TRIP11: variants seen among roughly 807,000 people sequenced by gnomAD.
TRIP11 encodes the protein thyroid receptor-interacting protein 11.
In TRIP11, 148 loss-of-function variants were observed where a neutral mutation model predicts 223.1. The observed-to-expected ratio is 0.66, with a 90% CI of 0.58 to 0.76. TRIP11 has a LOEUF of 0.76. Ranked by LOEUF, TRIP11 falls within the 30% of genes least tolerant of loss-of-function variation. The pLI is 0.00. For synonymous variants in TRIP11, 762 were observed against 772.6 expected (o/e 0.99, Z 0.23); for missense variants, 2,043 against 2,222.0 (o/e 0.92, Z 1.62).
At chr14:91,973,186 C>T (rs953374731) in intron 19 of TRIP11, among the ~76,000 whole-genome samples, 1 of 152,004 alleles carries the variant, frequency 6.6e-6, no homozygotes, top group Admixed American at 6.6e-5. Flanking sequence ...CCACCACGCC[C>T]GGCTAATTTT....
At position 91,972,737 on chromosome 14, in the gene TRIP11, T is replaced by G. The variant is rs750903702; in HGVS notation, c.5699A>C (p.Asn1900Thr). 6.2e-6 allele frequency: 10 copies of G among 1,611,038 alleles called. No homozygotes were observed. The highest frequency in any genetic ancestry group is 8.5e-6 in the Non-Finnish European group (10 of 1,178,974). ...TTTACCTTTAAAACTTTCTGGTGCATTTGTATCTCTTTTTCTTCTTCCTGG... is the reference window on the plus strand; with the variant it reads ...TTTACCTTTAAAACTTTCTGGTGCAGTTGTATCTCTTTTTCTTCTTCCTGG... Reference protein sequence around the residue: ...DSPGRRKRDTNAPESFKDTAE... With the variant: ...DSPGRRKRDTTAPESFKDTAE... Residue 1900 changes from asparagine (N) to threonine (T), a missense_variant, in exon 20 of 21, where the codon AAT becomes ACT. Transcript: ENST00000267622.
In TRIP11 at chr14:91,972,666, C is replaced by T. The variant is rs373769581; in HGVS notation, c.5719+51G>A. 1,228 of 1,551,114 alleles carry T rather than the reference C, an allele frequency of 7.9e-4. 3 individuals carry two copies. Among genetic ancestry groups the T allele is most frequent in the Non-Finnish European group, 9.6e-4 (1,093 of 1,136,862 alleles). ...AATATCACTGTGAAACATAATCATA[C>T]ATTAAACATTCAATTTTCAAATTAT... On this transcript the variant is annotated intron_variant, in intron 20 of 20. Coordinates refer to ENST00000267622, the MANE Select transcript of TRIP11 (RefSeq NM_004239.4).
chr14:92,036,941 G>C (rs1461970407), intron 1 of TRIP11, among the ~76,000 whole-genome samples: 1 of 152,082 alleles, frequency 6.6e-6, no homozygotes, highest in Admixed American at 6.6e-5. Flanking sequence ...TGTTGCCCAG[G>C]CTAGTCCTCA....
chr14:91,994,045 T>C, intron 14 of TRIP11, 133 bp from the exon 15 acceptor site: 2 of 699,156 alleles, frequency 2.9e-6, no homozygotes, highest in Admixed American at 2.2e-5. Flanking sequence ...TATGCCTTAG[T>C]GATAATGTTA....
At chr14:92,022,602 C>T (rs957110154) in intron 3 of TRIP11, among the ~76,000 whole-genome samples, 3 of 152,098 alleles carry the variant, frequency 2.0e-5, no homozygotes, top group Admixed American at 1.3e-4. Flanking sequence ...ACCAAAATGC[C>T]ACATCCATTC....
At chr14:92,009,850 C>T (rs781296242) in intron 9 of TRIP11, among the ~76,000 whole-genome samples, 1 of 152,160 alleles carries the variant, frequency 6.6e-6, no homozygotes, top group Non-Finnish European at 1.5e-5. Flanking sequence ...CATGCATAGA[C>T]ATAGTCCAGA....
intron 14 of TRIP11, among the ~76,000 whole-genome samples, 176 bp downstream of exon 14, chr14:91,995,176 G>C (rs891433965): frequency 1.3e-5 from 2 of 151,834 alleles, no homozygotes; most frequent in African/African-American, 2.4e-5. Flanking sequence ...TTATTTTCTC[G>C]TCTTAATTGT....
intron 17 of TRIP11, 57 bp from the exon 18 acceptor site, chr14:91,975,343 C>T: frequency 2.7e-6 from 3 of 1,105,998 alleles, no homozygotes; most frequent in African/African-American, 1.5e-5. Flanking sequence ...TACACTCAAA[C>T]ACTAAGCATA....
At chr14:91,984,139 T>C (rs1297892283) in intron 16 of TRIP11, among the ~76,000 whole-genome samples, 1 of 152,044 alleles carries the variant, frequency 6.6e-6, no homozygotes, top group African/African-American at 2.4e-5. Flanking sequence ...CAGATACAGG[T>C]ATAAACTAGC....
At position 91,974,763 on chromosome 14, in the gene TRIP11, C is replaced by T; in HGVS notation, c.5458-20G>A. On this transcript the variant is annotated intron_variant, in intron 18 of 20. Coordinates refer to ENST00000267622, the MANE Select transcript of TRIP11 (RefSeq NM_004239.4). The stretch of plus-strand genomic sequence containing the variant: ...AAACAACTGAAAGATTATTTTAAAA[C>T]AGACAAATATTATCAGTACAAGAAA... 1 of 1,548,958 alleles carries T rather than the reference C, an allele frequency of 6.5e-7. No homozygotes were observed. The highest frequency in any genetic ancestry group is 8.9e-7 in the Non-Finnish European group (1 of 1,126,828).
intron 1 of TRIP11, among the ~76,000 whole-genome samples, chr14:92,038,656 AATTT>A (rs1484079382): frequency 6.6e-6 from 1 of 152,144 alleles, no homozygotes; most frequent in Non-Finnish European, 1.5e-5. Context: ...CCAGAATACT[AATTT>A]ATTAAATTTA....
At chr14:92,010,788 T>C (rs545773258) in intron 9 of TRIP11, among the ~76,000 whole-genome samples, 198 bp downstream of exon 9, 1 of 151,984 alleles carries the variant, frequency 6.6e-6, no homozygotes, top group African/African-American at 2.4e-5. Flanking sequence ...TATTTCTAAA[T>C]ACGAACTCAA....
In TRIP11 at chr14:91,968,895, A is replaced by T. The variant is rs765373897; in HGVS notation, c.*778T>A. 2 of 233,094 alleles carry T rather than the reference A, an allele frequency of 8.6e-6. No individual in the cohort carries two copies. Among genetic ancestry groups the T allele is most frequent in the Non-Finnish European group, 1.7e-5 (2 of 117,478 alleles). 14.4% of individuals were successfully genotyped at this position (233,094 alleles called of 1,614,324 possible). ...GTGGCAATGATTATGAGAGGGCAACACAGGGGGATGCTTGTAATGGAAGTC... is the reference window on the plus strand; with the variant it reads ...GTGGCAATGATTATGAGAGGGCAACTCAGGGGGATGCTTGTAATGGAAGTC... On this transcript the variant is annotated 3_prime_UTR_variant, in exon 21 of 21. Transcript: ENST00000267622.
At chr14:91,998,702 A>C (rs1225102967) in intron 13 of TRIP11, among the ~76,000 whole-genome samples, 4 of 151,898 alleles carry the variant, frequency 2.6e-5, no homozygotes, top group South Asian at 4.1e-4. Flanking sequence ...AAAAAAAAAA[A>C]AACAAGAAAA....
intron 2 of TRIP11, among the ~76,000 whole-genome samples, chr14:92,026,257 G>A (rs1374588252): frequency 6.6e-6 from 1 of 152,012 alleles, no homozygotes; most frequent in African/African-American, 2.4e-5. Flanking sequence ...AAAGTTAAAA[G>A]TACACAAAAT....
Position 92,011,029 on chromosome 14 carries a change from A to T in TRIP11, c.1271T>A (p.Ile424Asn). 6.2e-7 allele frequency: 1 copy of T among 1,614,030 alleles called. No individual in the cohort carries two copies. Among genetic ancestry groups the T allele is most frequent in the East Asian group, 2.2e-5 (1 of 44,850 alleles). Residue 424 changes from isoleucine (I) to asparagine (N), a missense_variant, in exon 9 of 21, where the codon ATC (isoleucine) becomes AAC (asparagine). By Grantham distance (149) the Ile-to-Asn change is moderately radical (BLOSUM62 -3). Transcript: ENST00000267622. ...TGACTTCTCTTTTTCTAAAACTTCG[A>T]TACGCATTTTAAGTTTCAGATTGTC... Reference protein sequence around the residue: ...AEDNLKLKMRIEVLEKEKSLL... With the variant: ...AEDNLKLKMRNEVLEKEKSLL...
At position 92,039,772 on chromosome 14, in the gene TRIP11, C is replaced by T. The variant is rs563674255; in HGVS notation, c.-87G>A. On this transcript the variant is annotated 5_prime_UTR_variant, in exon 1 of 21. Transcript: ENST00000267622. ...GGCGATCCGACCAAATATCCTTGAA[C>T]GCCTGCCTTCGCGAGACAGGATACG... 9 of 1,552,196 alleles carry T rather than the reference C, an allele frequency of 5.8e-6. No individual in the cohort carries two copies. In the South Asian group the frequency reaches 7.1e-5, roughly 12 times the overall value.
rs1360822685 is a variant in TRIP11 at position 91,976,096 on chromosome 14, CA to C, written c.5342+11del. On this transcript the variant is annotated intron_variant, in intron 17 of 20. Transcript: ENST00000267622. ...CCACAAAATATACAAACATTAAAAGCAAAAAGCATACTTGTCTACTTTTCCT... is the reference window on the plus strand; with the variant it reads ...CCACAAAATATACAAACATTAAAAGCAAAAGCATACTTGTCTACTTTTCCT... 7 of 1,609,656 alleles carry C rather than the reference CA, an allele frequency of 4.3e-6. No homozygotes were observed. The East Asian group carries it at 1.6e-4, about 36-fold the overall frequency.
Position 92,006,072 on chromosome 14 carries a change from G to C in TRIP11, c.1904C>G (p.Ser635Cys), listed in dbSNP as rs59635749. 8.0e-3 allele frequency: 12,727 copies of C among 1,585,964 alleles called. 445 individuals carry two copies. In the East Asian group the frequency reaches 0.087, roughly 11 times the overall value. ...TAAGGTATCCTTAAAATTACTATTA[G>C]AGTCTTGATTTAGAGACTGCATTAA... Reference protein sequence around the residue: ...NELMQSLNQDSNSNFKDTLLK... With the variant: ...NELMQSLNQDCNSNFKDTLLK... Residue 635 changes from serine (S) to cysteine (C), a missense_variant, in exon 11 of 21, where the codon TCT becomes TGT. Transcript: ENST00000267622.
Sources: allele counts gnomAD v4.1 joint callset (sites outside exome capture counted in the v4.1 genomes callset), GRCh38; gene constraint gnomAD v4.1.1; transcripts MANE v1.5; gene names NCBI Gene and HGNC (gene_info 2026-07-23, HGNC 2026-07-21).